The following GGCX variants were observed in gnomAD, a reference collection of about 807,000 sequenced individuals.
The protein encoded by GGCX is vitamin K-dependent gamma-carboxylase.
Under a neutral mutation model 88.5 loss-of-function variants are expected in GGCX, and 63 were observed. The observed-to-expected ratio is 0.71, with a 90% CI of 0.58 to 0.88. The LOEUF is 0.88. Among genes scored for constraint, GGCX ranks in the 40% least tolerant of loss-of-function variants. The pLI, the probability that GGCX is intolerant of heterozygous loss-of-function variation, is 0.00. For missense variants in GGCX, 805 were observed against 932.9 expected, an observed-to-expected ratio of 0.86 and a Z score of 1.79; for synonymous variants, 368 against 365.8, an observed-to-expected ratio of 1.01 and a Z score of -0.07.
chr2:85,550,476 C>T (rs1050482083), intron 14 of GGCX, 79 bp downstream of exon 14: 3 of 1,016,942 alleles, frequency 3.0e-6, no homozygotes, highest in Non-Finnish European at 3.1e-6. Context: ...ATGACAGTCT[C>T]TAGAGTTACT....
chr2:85,549,515 C>G lies in GGCX; in HGVS notation c.*419G>C, dbSNP rs1691826794. 9.2e-6 allele frequency: 2 copies of G among 218,578 alleles called. No individual in the cohort carries two copies. The highest frequency in any genetic ancestry group is 1.9e-5 in the Non-Finnish European group (2 of 107,568). The allele number at this position is 218,578 out of a possible 1,614,324, so 13.5% of individuals were successfully genotyped here. On this transcript the variant is annotated 3_prime_UTR_variant, in exon 15 of 15. Transcript: ENST00000233838. Reference sequence around the variant, plus strand: ...TAGTTGGATTACAGGCACCCACCACCACGTCTGGCTAATTTTTGTATTTTT... The same window carrying G: ...TAGTTGGATTACAGGCACCCACCACGACGTCTGGCTAATTTTTGTATTTTT...
rs778253889 is a variant in GGCX, at chr2:85,552,405, C to A, written c.1439+11G>T. 6.2e-7 allele frequency: 1 copy of A among 1,612,624 alleles called. No homozygotes were observed. Among genetic ancestry groups the A allele is most frequent in the African/African-American group, 1.3e-5 (1 of 74,872 alleles). The stretch of plus-strand genomic sequence containing the variant: ...CTTCATTTTTTCCCACTCTCTGCTC[C>A]CCTTGCCCACCTCTGCTGGAAGCGG... On this transcript the variant is annotated intron_variant, in intron 10 of 14. Coordinates refer to ENST00000233838, the MANE Select transcript of GGCX (RefSeq NM_000821.7).
At chr2:85,555,992 T>C (rs1692188608) in intron 5 of GGCX, among the ~76,000 whole-genome samples, 190 bp downstream of exon 5, 1 of 152,132 alleles carries the variant, frequency 6.6e-6, no homozygotes, top group African/African-American at 2.4e-5. Flanking sequence ...TAGTCTTTCC[T>C]TGACAAATAA....
In GGCX at chr2:85,552,361, C is replaced by A. The variant is rs552320265; in HGVS notation, c.1439+55G>T. 34 of 1,529,274 alleles carry A rather than the reference C, an allele frequency of 2.2e-5. No homozygotes were observed. In the African/African-American group the frequency reaches 4.2e-4, roughly 19 times the overall value. 94.7% of individuals were successfully genotyped at this position (1,529,274 alleles called of 1,614,324 possible). A position where few individuals can be genotyped will look rare whatever the true frequency, so the allele number is the denominator to read the frequency against. ...ATACCAGGAAGCAAGGGCTGTTCAT[C>A]TTGGTAAAAAGAACTGTGCTTCATT... is the stretch of plus-strand genomic sequence containing the variant. On this transcript the variant is annotated intron_variant, in intron 10 of 14. Transcript: ENST00000233838.
chr2:85,551,700 C>CA (rs1215443145), intron 11 of GGCX, 90 bp from the exon 12 acceptor site: 8 of 1,573,386 alleles, frequency 5.1e-6, no homozygotes, highest in Non-Finnish European at 7.0e-6. Flanking sequence ...TTACCACCAT[C>CA]ATCCCCTTAG....
At chr2:85,556,949 T>C (rs1454396021) in intron 4 of GGCX, among the ~76,000 whole-genome samples, 1 of 152,198 alleles carries the variant, frequency 6.6e-6, no homozygotes, top group East Asian at 1.9e-4. Flanking sequence ...CACTCGTCAA[T>C]AATACTTAGC....
Position 85,544,817 on chromosome 2 carries a change from C to T in GGCX, c.*5117G>A, listed in dbSNP as rs1353893910. ...AACCAGCTTCCTTCAGAGAGCAGTG[C>T]TTTTGGCGGGGAGGAGGAAATCCCT... On this transcript the variant is annotated 3_prime_UTR_variant, in exon 15 of 15. Transcript: ENST00000233838. The T allele has an allele frequency of 2.0e-5, 3 of 152,596 alleles. No individual in the cohort carries two copies. The highest frequency in any genetic ancestry group is 2.9e-5 in the Non-Finnish European group (2 of 68,028). The allele number at this position is 152,596 out of a possible 1,614,324, so 9.5% of individuals were successfully genotyped here.
In GGCX at chr2:85,547,404, T is replaced by C. The variant is rs1411595019; in HGVS notation, c.*2530A>G. On this transcript the variant is annotated 3_prime_UTR_variant, in exon 15 of 15. Coordinates refer to ENST00000233838, the MANE Select transcript of GGCX (RefSeq NM_000821.7). ...CACTGAACAGCTTTTATTACCAGTA[T>C]TTACATGACCACTTTTTCTTTACAC... 3 of 152,170 alleles carry C rather than the reference T, an allele frequency of 2.0e-5. No individual in the cohort carries two copies. Among genetic ancestry groups the C allele is most frequent in the African/African-American group, 7.2e-5 (3 of 41,444 alleles). The allele number at this position is 152,170 out of a possible 1,614,324, so 9.4% of individuals were successfully genotyped here. A position where few individuals can be genotyped will look rare whatever the true frequency, so the allele number is the denominator to read the frequency against.
rs1420669829 is a variant in GGCX, at chr2:85,552,396, T to A, written c.1439+20A>T. 2 of 1,611,052 alleles carry A rather than the reference T, an allele frequency of 1.2e-6. No homozygotes were observed. Among genetic ancestry groups the A allele is most frequent in the Non-Finnish European group, 1.7e-6 (2 of 1,177,194 alleles). Reference sequence around the variant, plus strand: ...AGAACTGTGCTTCATTTTTTCCCACTCTCTGCTCCCCTTGCCCACCTCTGC... The same window carrying A: ...AGAACTGTGCTTCATTTTTTCCCACACTCTGCTCCCCTTGCCCACCTCTGC... On this transcript the variant is annotated intron_variant, in intron 10 of 14. Transcript: ENST00000233838.
intron 2 of GGCX, 152 bp from the exon 3 acceptor site, chr2:85,559,227 A>G (rs1692332682): frequency 5.5e-6 from 4 of 728,588 alleles, no homozygotes; most frequent in South Asian, 4.5e-5. Flanking sequence ...TTGAGTGCCT[A>G]CTCTGCACAG....
rs1573315111 is a variant in GGCX at position 85,548,293 on chromosome 2, G to A, written c.*1641C>T. On this transcript the variant is annotated 3_prime_UTR_variant, in exon 15 of 15. Transcript: ENST00000233838. ...GGAAAAAGGAAGAGTCAAGGCTGAT[G>A]ACCTAGAGATAACAGCTTGGCTAAG... 1 of 152,186 alleles carries A rather than the reference G, an allele frequency of 6.6e-6. No individual in the cohort carries two copies. The highest frequency in any genetic ancestry group is 2.4e-5 in the African/African-American group (1 of 41,432). 9.4% of individuals were successfully genotyped at this position (152,186 alleles called of 1,614,324 possible).
In GGCX at chr2:85,551,062, C is replaced by A; in HGVS notation, c.1751G>T (p.Gly584Val). 1 of 1,613,982 alleles carries A rather than the reference C, an allele frequency of 6.2e-7. No individual in the cohort carries two copies. The highest frequency in any genetic ancestry group is 8.5e-7 in the Non-Finnish European group (1 of 1,179,840). ...REGEKMQLPA[G>V]EYHKVYTTSP... The stretch of plus-strand genomic sequence containing the variant: ...TGTCGTATACACCTTATGGTACTCA[C>A]CAGCAGGCAACTGACAAGGGAGAAG... Residue 584 changes from glycine to valine, a missense_variant, in exon 13 of 15, where the codon GGT (glycine) becomes GTT (valine). This residue lies in a region of GGCX where 680 missense variants were observed against 763.7 expected (regional missense o/e 0.89). Coordinates refer to ENST00000233838, the MANE Select transcript of GGCX (RefSeq NM_000821.7).
Position 85,550,007 on chromosome 2 carries a change from T to A in GGCX, c.2204A>T (p.Asn735Ile), listed in dbSNP as rs1355646029. The A allele has an allele frequency of 6.2e-7, 1 of 1,613,234 alleles. No homozygotes were observed. Among genetic ancestry groups the A allele is most frequent in the African/African-American group, 1.3e-5 (1 of 74,960 alleles). Residue 735 changes from asparagine to isoleucine, a missense_variant, in exon 15 of 15, where the codon AAT (asparagine) becomes ATT (isoleucine). Around this residue, in one of 3 missense-constraint regions of GGCX, gnomAD observed 680 missense variants for 763.7 expected, o/e 0.89. Coordinates refer to ENST00000233838, the MANE Select transcript of GGCX (RefSeq NM_000821.7). ...ATGTGAAGAATCCGTGTTTGAGGGA[T>A]TCAGTTCTCCAACTGCCTCAAAGGG... ...LRPFEAVGEL[N>I]PSNTDSSHSN...
At chr2:85,555,457 G>C (rs758719974) in intron 6 of GGCX, 27 bp downstream of exon 6, 7 of 1,109,850 alleles carry the variant, frequency 6.3e-6, no homozygotes, top group African/African-American at 3.1e-5. Flanking sequence ...ATGCCTCAAA[G>C]AGGCCTCCAC....
intron 6 of GGCX, 49 bp from the exon 7 acceptor site, chr2:85,554,355 T>C (rs1558809302): frequency 6.4e-7 from 1 of 1,561,098 alleles, no homozygotes; most frequent in Admixed American, 1.7e-5. Flanking sequence ...GGAGAACACA[T>C]CAAAGCACAT....
rs961472992 is a variant in GGCX, at chr2:85,548,575, G to T, written c.*1359C>A. Reference sequence around the variant, plus strand: ...GAACACTGTCCAAGGAGGAGTGGGGGAGAGTATGGGAAGAGAAGCCTGCAA... The same window carrying T: ...GAACACTGTCCAAGGAGGAGTGGGGTAGAGTATGGGAAGAGAAGCCTGCAA... On this transcript the variant is annotated 3_prime_UTR_variant, in exon 15 of 15. Coordinates refer to ENST00000233838, the MANE Select transcript of GGCX (RefSeq NM_000821.7). The T allele has an allele frequency of 1.3e-5, 2 of 152,202 alleles. No homozygotes were observed. The highest frequency in any genetic ancestry group is 2.9e-5 in the Non-Finnish European group (2 of 68,048). The allele number at this position is 152,202 out of a possible 1,614,324, so 9.4% of individuals were successfully genotyped here. A position where few individuals can be genotyped will look rare whatever the true frequency, so the allele number is the denominator to read the frequency against.
At chr2:85,550,283 A>G (rs187384853) in intron 14 of GGCX, among the ~76,000 whole-genome samples, 157 bp from the exon 15 acceptor site, 1 of 152,316 alleles carries the variant, frequency 6.6e-6, no homozygotes, top group Non-Finnish European at 1.5e-5. Context: ...CTGGAAGGGT[A>G]CACCACTCTT....
chr2:85,555,220 A>T (rs551522125), intron 6 of GGCX: 1 of 378,956 alleles, frequency 2.6e-6, no homozygotes, highest in Non-Finnish European at 5.1e-6. Context: ...CTCACTCACC[A>T]AGTCAGCCAG....
At position 85,554,193 on chromosome 2, in the gene GGCX, A is replaced by G. The variant is rs1692103055; in HGVS notation, c.839T>C (p.Leu280Pro). The change falls in exon 7 of 15, where the codon CTG (leucine) becomes CCG (proline). Residue 280 changes from leucine to proline, a missense_variant. Physicochemically the swap from Leu to Pro is moderately conservative, Grantham distance 98. This residue lies in a region of GGCX where 680 missense variants were observed against 763.7 expected (regional missense o/e 0.89). Coordinates refer to ENST00000233838, the MANE Select transcript of GGCX (RefSeq NM_000821.7). ...LFFDVSRSIG[L>P]FFVSYFHCMN... ...GCAGTGGAAGTAGGACACAAAGAAC[A>G]GGCCAATGGATCTTGAGACATCAAA... 6.2e-7 allele frequency: 1 copy of G among 1,612,572 alleles called. No homozygotes were observed. Among genetic ancestry groups the G allele is most frequent in the African/African-American group, 1.3e-5 (1 of 74,888 alleles).
Sources: allele counts gnomAD v4.1 joint callset (sites outside exome capture counted in the v4.1 genomes callset), GRCh38; gene constraint gnomAD v4.1.1; regional missense constraint gnomAD v4.1.1; transcripts MANE v1.5; gene names NCBI Gene and HGNC (gene_info 2026-07-23, HGNC 2026-07-21).